The following PIP4K2A variants were observed in gnomAD, a reference collection of about 807,000 sequenced individuals.
The protein encoded by PIP4K2A is phosphatidylinositol 5-phosphate 4-kinase type-2 alpha.
A neutral mutation model predicts 42.9 loss-of-function variants in PIP4K2A; 14 were observed. That is an observed-to-expected ratio of 0.33 (90% CI 0.22 to 0.51). The LOEUF is 0.51. PIP4K2A is among the 20% of genes least tolerant of loss of function. The pLI is 0.97. For synonymous variants in PIP4K2A, 192 were observed against 192.2 expected (o/e 1.00, Z 0.01); for missense variants, 434 against 519.8 (o/e 0.83, Z 1.61).
At chr10:22,564,283 C>T (rs144486282) in intron 6 of PIP4K2A, among the ~76,000 whole-genome samples, 20 of 152,316 alleles carry the variant, frequency 1.3e-4, no homozygotes, top group African/African-American at 4.3e-4. Flanking sequence ...GCAGCAACCA[C>T]GCCATTAGCT....
chr10:22,641,233 T>C (rs902299282), intron 1 of PIP4K2A, among the ~76,000 whole-genome samples: 8 of 152,138 alleles, frequency 5.3e-5, no homozygotes, highest in African/African-American at 9.7e-5. Context: ...AGGTCATTCA[T>C]GGAAAAGCTG....
At chr10:22,610,612 A>T (rs1838010419) in intron 1 of PIP4K2A, among the ~76,000 whole-genome samples, 1 of 152,246 alleles carries the variant, frequency 6.6e-6, no homozygotes, top group Non-Finnish European at 1.5e-5. Context: ...TGCTGGGTTC[A>T]CAGACAGTAG....
intron 6 of PIP4K2A, among the ~76,000 whole-genome samples, chr10:22,555,474 C>T (rs1032773432): frequency 5.9e-5 from 9 of 152,190 alleles, no homozygotes; most frequent in East Asian, 3.8e-4. Context: ...AAAAGCGCAT[C>T]GCTGATCAAT....
rs539161782 is a variant in PIP4K2A, at chr10:22,714,393, G to C, written c.-67C>G. 14 of 1,154,406 alleles carry C rather than the reference G, an allele frequency of 1.2e-5. No homozygotes were observed. The African/African-American group carries it at 2.0e-4, about 16-fold the overall frequency. The allele number at this position is 1,154,406 out of a possible 1,614,324, so 71.5% of individuals were successfully genotyped here. A position where few individuals can be genotyped will look rare whatever the true frequency, so the allele number is the denominator to read the frequency against. On this transcript the variant is annotated 5_prime_UTR_variant, in exon 1 of 10. Coordinates refer to ENST00000376573, the MANE Select transcript of PIP4K2A (RefSeq NM_005028.5). Reference sequence around the variant, plus strand: ...CGGGGACCCGCCCTCTCTACACCCCGGCCCGGGGAGGCAGCCGCATCCCCC... The same window carrying C: ...CGGGGACCCGCCCTCTCTACACCCCCGCCCGGGGAGGCAGCCGCATCCCCC...
chr10:22,653,677 G>A (rs1839037991), intron 1 of PIP4K2A, among the ~76,000 whole-genome samples: 1 of 152,094 alleles, frequency 6.6e-6, no homozygotes, highest in Admixed American at 6.5e-5. Context: ...ACTTCGGGAG[G>A]CTGAGGTGGG....
intron 1 of PIP4K2A, among the ~76,000 whole-genome samples, chr10:22,638,349 G>A (rs574736128): frequency 6.6e-6 from 1 of 152,170 alleles, no homozygotes; most frequent in Admixed American, 6.5e-5. Flanking sequence ...TCCATATTAA[G>A]TTTCTATATG....
At chr10:22,636,399 G>T (rs1022608604) in intron 1 of PIP4K2A, among the ~76,000 whole-genome samples, 7 of 152,118 alleles carry the variant, frequency 4.6e-5, no homozygotes, top group Non-Finnish European at 8.8e-5. Flanking sequence ...CTACAGGTGT[G>T]TGCCACTACA....
chr10:22,706,520 G>A (rs12259546), intron 1 of PIP4K2A, among the ~76,000 whole-genome samples: 74,387 of 152,022 alleles, frequency 0.49, 21,143 homozygotes, highest in African/African-American at 0.79. Context: ...TGTTCTGCAC[G>A]GTCTATTTAA....
intron 7 of PIP4K2A, among the ~76,000 whole-genome samples, chr10:22,549,337 G>A (rs1046155745): frequency 2.6e-5 from 4 of 151,004 alleles, no homozygotes; most frequent in African/African-American, 9.7e-5. Context: ...TGTGGCTTTC[G>A]TCATTTTCTT....
At chr10:22,685,143 A>T (rs1423122211) in intron 1 of PIP4K2A, among the ~76,000 whole-genome samples, 1 of 152,140 alleles carries the variant, frequency 6.6e-6, no homozygotes, top group Non-Finnish European at 1.5e-5. Flanking sequence ...TGAATTGAGT[A>T]TTTAAAGTTA....
chr10:22,676,469 T>A (rs1588701172), intron 1 of PIP4K2A, among the ~76,000 whole-genome samples: 1 of 152,210 alleles, frequency 6.6e-6, no homozygotes, highest in Middle Eastern at 3.4e-3. Flanking sequence ...TAGCATTTAA[T>A]GTAGATATGG....
At chr10:22,560,698 C>T (rs1455274135) in intron 6 of PIP4K2A, among the ~76,000 whole-genome samples, 1 of 152,198 alleles carries the variant, frequency 6.6e-6, no homozygotes, top group Non-Finnish European at 1.5e-5. Context: ...AGGAAGAAGG[C>T]TGTATGTTAA....
At chr10:22,638,849 C>T (rs1469179950) in intron 1 of PIP4K2A, among the ~76,000 whole-genome samples, 1 of 151,958 alleles carries the variant, frequency 6.6e-6, no homozygotes, top group Non-Finnish European at 1.5e-5. Context: ...AGTATTATGC[C>T]CGTGTAAGAA....
chr10:22,664,487 T>C (rs1425124494), intron 1 of PIP4K2A, among the ~76,000 whole-genome samples: 3 of 151,384 alleles, frequency 2.0e-5, no homozygotes, highest in Non-Finnish European at 2.9e-5. Flanking sequence ...CACACAATAG[T>C]ATGCCTTTAT....
At chr10:22,667,426 C>G (rs1307589626) in intron 1 of PIP4K2A, among the ~76,000 whole-genome samples, 1 of 152,190 alleles carries the variant, frequency 6.6e-6, no homozygotes, top group African/African-American at 2.4e-5. Flanking sequence ...AGATTTCACT[C>G]TAAGTCCTTT....
In PIP4K2A at chr10:22,653,519, C is replaced by T. The variant is rs1839034866; in HGVS notation, c.145-43802G>A. 2.0e-5 allele frequency among the ~76,000 whole-genome samples: 3 copies of T among 152,302 alleles called. No homozygotes were observed. In the South Asian group the frequency reaches 6.2e-4, roughly 32 times the overall value. The stretch of plus-strand genomic sequence containing the variant: ...TCTTAATGATTCAATTCAGCAGATG[C>T]ACACTGGGAAGGCAGGGGAGGCAGA... On this transcript the variant is annotated intron_variant, in intron 1 of 9. Coordinates refer to ENST00000376573, the MANE Select transcript of PIP4K2A (RefSeq NM_005028.5).
At chr10:22,674,415 CAAAA>C (rs1002492534) in intron 1 of PIP4K2A, among the ~76,000 whole-genome samples, 2 of 61,130 alleles carry the variant, frequency 3.3e-5, no homozygotes, top group African/African-American at 5.1e-5. Flanking sequence ...CACTTGGGAG[CAAAA>C]AAAAAAAAAA....
intron 8 of PIP4K2A, 85 bp from the exon 9 acceptor site, chr10:22,540,159 G>A (rs146619762): frequency 3.8e-6 from 3 of 781,518 alleles, no homozygotes; most frequent in Non-Finnish European, 6.9e-6. Context: ...GGAGGGAGAA[G>A]TGAGCCTGGA....
intron 1 of PIP4K2A, chr10:22,713,806 C>G (rs1160713346): frequency 6.4e-6 from 1 of 156,618 alleles, no homozygotes; most frequent in African/African-American, 2.4e-5. Context: ...CGGCCCCCAG[C>G]AGCTCCCGCC....
Sources: gnomAD v4.1 joint callset for allele counts (sites outside exome capture counted in the v4.1 genomes callset) on GRCh38, gnomAD v4.1.1 for gene constraint, MANE v1.5 for transcripts, NCBI Gene and HGNC (gene_info 2026-07-23, HGNC 2026-07-21) for gene names.